The following SUGCT variants were observed in gnomAD, a reference collection of about 807,000 sequenced individuals.
SUGCT encodes succinyl-CoA:glutarate CoA-transferase.
SUGCT carries 41 observed loss-of-function variants against 55.0 expected under a neutral mutation model. The ratio of observed to expected loss-of-function variants is 0.74; its 90% CI spans 0.58 to 0.97. The LOEUF (loss-of-function observed/expected upper bound fraction) is 0.97, where lower values mean the gene tolerates loss of function less well. Among genes scored for constraint, SUGCT ranks in the 50% least tolerant of loss-of-function variants. The pLI is 0.00. For synonymous variants in SUGCT, 187 were observed against 200.4 expected, an observed-to-expected ratio of 0.93 and a Z score of 0.56; for missense variants, 568 against 547.8, an observed-to-expected ratio of 1.04 and a Z score of -0.37.
chr7:40,512,218 G>A lies in SUGCT; in HGVS notation c.1089+15832G>A, dbSNP rs114834534. On this transcript the variant is annotated intron_variant, in intron 12 of 13. Coordinates refer to ENST00000335693, the MANE Select transcript of SUGCT (RefSeq NM_001193313.2). ...GGTTTCAGATGCTGTCCAATTCCTAGTGGTACACTGAAGTGTCAATACTTG... is the reference window on the plus strand; with the variant it reads ...GGTTTCAGATGCTGTCCAATTCCTAATGGTACACTGAAGTGTCAATACTTG... Among the ~76,000 whole-genome samples, 873 of 152,242 alleles carry A rather than the reference G, an allele frequency of 5.7e-3. 7 individuals carry two copies. The highest frequency in any genetic ancestry group is 0.02 in the African/African-American group (837 of 41,546).
intron 2 of SUGCT, 57 bp from the exon 3 acceptor site, chr7:40,181,894 ATAAT>A (rs1785234331): frequency 9.3e-7 from 1 of 1,070,166 alleles, no homozygotes; most frequent in Non-Finnish European, 1.4e-6. Context: ...TTGTTGGAAA[ATAAT>A]TAATATAAAC....
At chr7:40,181,640 G>C (rs1785216408) in intron 2 of SUGCT, among the ~76,000 whole-genome samples, 3 of 151,964 alleles carry the variant, frequency 2.0e-5, no homozygotes, top group African/African-American at 4.8e-5. Flanking sequence ...CATCTACTCG[G>C]GAGGCTGAGG....
At chr7:40,749,356 T>A in intron 12 of SUGCT, 78 bp from the exon 13 acceptor site, 1 of 1,101,334 alleles carries the variant, frequency 9.1e-7, no homozygotes. Flanking sequence ...GTCGACTGAA[T>A]AGATGGCTGT....
At chr7:40,758,173 G>A (rs1269117152) in intron 13 of SUGCT, among the ~76,000 whole-genome samples, 2 of 152,030 alleles carry the variant, frequency 1.3e-5, no homozygotes, top group Non-Finnish European at 2.9e-5. Flanking sequence ...GTTGGACAGG[G>A]AGTCATTTTA....
chr7:40,541,348 G>C (rs979523452), intron 12 of SUGCT, among the ~76,000 whole-genome samples: 1 of 152,208 alleles, frequency 6.6e-6, no homozygotes, highest in African/African-American at 2.4e-5. Context: ...AGACATTCTA[G>C]AGAACGGTTT....
the SUGCT span, among the ~76,000 whole-genome samples, chr7:40,989,224 T>G: frequency 2.0e-5 from 3 of 152,214 alleles, no homozygotes; most frequent in African/African-American, 7.2e-5. Flanking sequence ...TCACAAAAGA[T>G]TTCTCTGTAA....
At chr7:40,519,588 A>C (rs765267049) in intron 12 of SUGCT, among the ~76,000 whole-genome samples, 6 of 152,012 alleles carry the variant, frequency 3.9e-5, no homozygotes, top group Non-Finnish European at 8.8e-5. Flanking sequence ...CAAGAAGAGA[A>C]AGGATTGAGA....
chr7:40,596,736 G>C (rs895393321), intron 12 of SUGCT, among the ~76,000 whole-genome samples: 7 of 152,150 alleles, frequency 4.6e-5, no homozygotes, highest in African/African-American at 1.7e-4. Context: ...TTTGCCTCTT[G>C]TATTCGTTGC....
intron 12 of SUGCT, among the ~76,000 whole-genome samples, chr7:40,700,863 C>T (rs750615323): frequency 9.9e-5 from 15 of 152,116 alleles, no homozygotes; most frequent in Admixed American, 1.3e-4. Context: ...AGACTAGATG[C>T]GACCCACAGT....
the SUGCT span, among the ~76,000 whole-genome samples, chr7:41,014,819 T>C: frequency 1.3e-5 from 2 of 152,178 alleles, no homozygotes; most frequent in African/African-American, 4.8e-5. Flanking sequence ...TACCAATAGA[T>C]TGAGGAATAT....
the SUGCT span, among the ~76,000 whole-genome samples, chr7:40,898,374 C>G: frequency 6.6e-6 from 1 of 151,420 alleles, no homozygotes; most frequent in South Asian, 2.1e-4. Context: ...TCAGCAAGAG[C>G]ACGAACCCAC....
intron 8 of SUGCT, among the ~76,000 whole-genome samples, chr7:40,316,227 A>G (rs565365538): frequency 1.2e-4 from 19 of 152,320 alleles, no homozygotes; most frequent in African/African-American, 4.6e-4. Context: ...TGCTTTGGGC[A>G]GAATGTAACA....
intron 6 of SUGCT, among the ~76,000 whole-genome samples, chr7:40,229,812 C>CAAAA (rs771471649): frequency 4.9e-5 from 3 of 60,764 alleles, no homozygotes; most frequent in African/African-American, 1.1e-4. Context: ...GACTCTGTCT[C>CAAAA]AAAAAAAAAA....
chr7:40,789,760 G>A (rs948477419), intron 13 of SUGCT, among the ~76,000 whole-genome samples: 1 of 152,144 alleles, frequency 6.6e-6, no homozygotes, highest in Non-Finnish European at 1.5e-5. Flanking sequence ...GGATTAAAAT[G>A]TAGACTTTTA....
chr7:40,402,050 C>A (rs1429259138), intron 9 of SUGCT, among the ~76,000 whole-genome samples: 1 of 152,014 alleles, frequency 6.6e-6, no homozygotes, highest in Non-Finnish European at 1.5e-5. Flanking sequence ...CAATAATAGC[C>A]AATATTTATT....
chr7:40,869,591 T>C, the SUGCT span, among the ~76,000 whole-genome samples: 2 of 152,236 alleles, frequency 1.3e-5, no homozygotes, highest in Admixed American at 6.5e-5. Context: ...TGAAAGCTTA[T>C]AAATGGCTGT....
intron 9 of SUGCT, among the ~76,000 whole-genome samples, chr7:40,333,988 TGA>T (rs909740920): frequency 5.9e-5 from 9 of 151,870 alleles, no homozygotes; most frequent in African/African-American, 2.2e-4. Flanking sequence ...CACCTATGAG[TGA>T]GAACATGCAG....
intron 12 of SUGCT, among the ~76,000 whole-genome samples, chr7:40,615,492 C>G (rs898440226): frequency 1.3e-5 from 2 of 152,102 alleles, no homozygotes. Context: ...CTAGAAGGAT[C>G]CTGAGCAGAA....
the SUGCT span, among the ~76,000 whole-genome samples, chr7:41,008,053 G>C: frequency 6.6e-6 from 1 of 152,160 alleles, no homozygotes; most frequent in African/African-American, 2.4e-5. Context: ...TGCTTAGAAA[G>C]AGGGTGGGGG....
Sources: gnomAD v4.1 joint callset for allele counts (sites outside exome capture counted in the v4.1 genomes callset) on GRCh38, gnomAD v4.1.1 for gene constraint, MANE v1.5 for transcripts, NCBI Gene and HGNC (gene_info 2026-07-23, HGNC 2026-07-21) for gene names.